GRB14: variants seen among roughly 807,000 people sequenced by gnomAD.
The protein encoded by GRB14 is growth factor receptor bound protein 14, also known as growth factor receptor-bound protein 14.
In GRB14, 38 loss-of-function variants were observed where a neutral mutation model predicts 69.1. The observed-to-expected ratio is 0.55, with a 90% CI of 0.42 to 0.72. The LOEUF (loss-of-function observed/expected upper bound fraction) is 0.72, where lower values mean the gene tolerates loss of function less well. Among genes scored for constraint, GRB14 ranks in the 30% least tolerant of loss-of-function variants. The pLI, the probability that GRB14 is intolerant of heterozygous loss-of-function variation, is 0.00. For missense variants in GRB14, 666 were observed against 666.1 expected (o/e 1.00, Z 0.00); for synonymous variants, 247 against 241.3 (o/e 1.02, Z -0.22).
intron 6 of GRB14, among the ~76,000 whole-genome samples, chr2:164,520,527 G>C (rs1352984517): frequency 6.6e-6 from 1 of 151,974 alleles, no homozygotes; most frequent in Non-Finnish European, 1.5e-5. Flanking sequence ...TAAACTAAAA[G>C]CTTCTGCACA....
intron 2 of GRB14, among the ~76,000 whole-genome samples, chr2:164,603,313 C>T (rs1412524900): frequency 6.6e-6 from 1 of 151,944 alleles, no homozygotes; most frequent in Non-Finnish European, 1.5e-5. Flanking sequence ...AATTCCTATC[C>T]TAAAAAAATA....
At chr2:164,595,813 A>G (rs150967876) in intron 2 of GRB14, among the ~76,000 whole-genome samples, 3 of 152,204 alleles carry the variant, frequency 2.0e-5, no homozygotes, top group African/African-American at 7.2e-5. Flanking sequence ...CAGAAATAAG[A>G]TCATGAATCT....
At chr2:164,525,130 C>G in intron 4 of GRB14, 52 bp from the exon 5 acceptor site, 1 of 1,151,214 alleles carries the variant, frequency 8.7e-7, no homozygotes, top group Non-Finnish European at 1.3e-6. Context: ...AGAAAAGATT[C>G]AATTATGACC....
Position 164,595,412 on chromosome 2 carries a change from A to G in GRB14, c.324+24275T>C, listed in dbSNP as rs1689759498. ...ACAAACAAACACAATGGACACAGTGAGGCCTAAGGAGTATGTGATTTGTTT... is the reference window on the plus strand; with the variant it reads ...ACAAACAAACACAATGGACACAGTGGGGCCTAAGGAGTATGTGATTTGTTT... On this transcript the variant is annotated intron_variant, in intron 2 of 13. Coordinates refer to ENST00000263915, the MANE Select transcript of GRB14 (RefSeq NM_004490.3). Among the ~76,000 whole-genome samples the G allele has an allele frequency of 2.0e-5, 3 of 152,342 alleles. No individual in the cohort carries two copies. In the South Asian group the frequency reaches 6.2e-4, roughly 32 times the overall value.
Position 164,579,979 on chromosome 2 carries a change from C to T in GRB14, c.325-32163G>A, listed in dbSNP as rs910966044. Reference sequence around the variant, plus strand: ...CTATCAGATTACTCAAGTTAAAGGGCAAGTACTTAATAGAGTGCCATGAGC... The same window carrying T: ...CTATCAGATTACTCAAGTTAAAGGGTAAGTACTTAATAGAGTGCCATGAGC... On this transcript the variant is annotated intron_variant, in intron 2 of 13. Transcript: ENST00000263915. Among the ~76,000 whole-genome samples the T allele has an allele frequency of 2.6e-5, 4 of 152,068 alleles. No homozygotes were observed. The East Asian group carries it at 5.8e-4, about 22-fold the overall frequency.
intron 12 of GRB14, among the ~76,000 whole-genome samples, chr2:164,496,680 C>CTT (rs1318585433): frequency 6.6e-6 from 1 of 152,142 alleles, no homozygotes; most frequent in East Asian, 1.9e-4. Flanking sequence ...AATATTGACA[C>CTT]TTAAAAAGAA....
intron 4 of GRB14, 89 bp from the exon 5 acceptor site, chr2:164,525,167 T>C: frequency 1.1e-6 from 1 of 885,280 alleles, no homozygotes; most frequent in Non-Finnish European, 1.8e-6. Context: ...GCAAAAGTTC[T>C]TTAAACTGGT....
Position 164,493,177 on chromosome 2 carries a change from T to G in GRB14, c.1482A>C (p.Glu494Asp). 6.2e-7 allele frequency: 1 copy of G among 1,611,838 alleles called. No homozygotes were observed. The highest frequency in any genetic ancestry group is 8.5e-7 in the Non-Finnish European group (1 of 1,178,964). Residue 494 changes from glutamate (E) to aspartate (D), a missense_variant, in exon 14 of 14, where the codon GAA becomes GAC. Physicochemically the swap from Glu to Asp is conservative, Grantham distance 45 (BLOSUM62 2). Coordinates refer to ENST00000263915, the MANE Select transcript of GRB14 (RefSeq NM_004490.3). The part of the protein sequence containing the change: ...KIKHFQIIPV[E>D]DDGEMFHTLD... ...GTGTGTGGAACATTTCACCGTCATC[T>G]TCTACCTGCAAAAAGAAAAGCAACA...
chr2:164,513,658 G>T (rs971021481), intron 6 of GRB14, among the ~76,000 whole-genome samples: 2 of 152,214 alleles, frequency 1.3e-5, no homozygotes, highest in East Asian at 3.8e-4. Flanking sequence ...GATTGAATGT[G>T]TGTGCTAAGA....
chr2:164,558,607 C>A (rs1042128152), intron 2 of GRB14, among the ~76,000 whole-genome samples: 4 of 152,152 alleles, frequency 2.6e-5, no homozygotes, highest in African/African-American at 7.2e-5. Context: ...ATCTTTGAAA[C>A]AAGAAAACCT....
chr2:164,576,517 A>T (rs1456998378), intron 2 of GRB14, among the ~76,000 whole-genome samples: 2 of 151,956 alleles, frequency 1.3e-5, no homozygotes, highest in Non-Finnish European at 1.5e-5. Context: ...ATCACTAATC[A>T]ATCTGGGGTT....
chr2:164,615,250 T>C (rs1488723846), intron 2 of GRB14, among the ~76,000 whole-genome samples: 1 of 152,194 alleles, frequency 6.6e-6, no homozygotes, highest in East Asian at 1.9e-4. Flanking sequence ...AAGCTGGTTA[T>C]TAATAATACT....
chr2:164,618,970 A>G (rs542490738), intron 2 of GRB14, among the ~76,000 whole-genome samples: 1 of 152,348 alleles, frequency 6.6e-6, no homozygotes, highest in African/African-American at 2.4e-5. Context: ...ATGACAAGAG[A>G]TGAATTATTC....
At chr2:164,592,899 C>T (rs1689701132) in intron 2 of GRB14, among the ~76,000 whole-genome samples, 2 of 152,172 alleles carry the variant, frequency 1.3e-5, no homozygotes, top group Non-Finnish European at 2.9e-5. Flanking sequence ...CATGCCCTTA[C>T]CTTTCTGATC....
chr2:164,570,742 A>T (rs1276952461), intron 2 of GRB14, among the ~76,000 whole-genome samples: 1 of 152,240 alleles, frequency 6.6e-6, no homozygotes, highest in Non-Finnish European at 1.5e-5. Context: ...GCTGTTTTGT[A>T]TCACACCATA....
At chr2:164,550,288 A>G (rs752592316) in intron 2 of GRB14, among the ~76,000 whole-genome samples, 1 of 152,230 alleles carries the variant, frequency 6.6e-6, no homozygotes, top group Non-Finnish European at 1.5e-5. Flanking sequence ...AAGGAAAGCC[A>G]TAAGACAGAA....
intron 6 of GRB14, among the ~76,000 whole-genome samples, chr2:164,510,565 G>A (rs1292363962): frequency 6.6e-6 from 1 of 152,142 alleles, no homozygotes; most frequent in Non-Finnish European, 1.5e-5. Flanking sequence ...AGGTAGAAAT[G>A]CCATATGTGA....
chr2:164,552,911 A>G (rs1418884970), intron 2 of GRB14, among the ~76,000 whole-genome samples: 1 of 152,196 alleles, frequency 6.6e-6, no homozygotes, highest in Non-Finnish European at 1.5e-5. Context: ...CACTCCTGAG[A>G]GAACAAGAGG....
At chr2:164,495,958 C>T (rs558253505) in intron 12 of GRB14, among the ~76,000 whole-genome samples, 52 of 152,280 alleles carry the variant, frequency 3.4e-4, no homozygotes, top group African/African-American at 1.2e-3. Context: ...TCTTTCAAAA[C>T]ATTTTAATAA....
Sources: gnomAD v4.1 joint callset for allele counts (sites outside exome capture counted in the v4.1 genomes callset) on GRCh38, gnomAD v4.1.1 for gene constraint, MANE v1.5 for transcripts, NCBI Gene and HGNC (gene_info 2026-07-23, HGNC 2026-07-21) for gene names.